PRIMPOL: variants seen among roughly 807,000 people sequenced by gnomAD.
PRIMPOL encodes the protein primase and DNA directed polymerase.
PRIMPOL carries 54 observed loss-of-function variants against 63.6 expected under a neutral mutation model. The ratio of observed to expected loss-of-function variants is 0.85; its 90% CI spans 0.68 to 1.07. The LOEUF (loss-of-function observed/expected upper bound fraction) is 1.07, where lower values mean the gene tolerates loss of function less well. Ranked by LOEUF, PRIMPOL falls within the 50% of genes least tolerant of loss-of-function variation. The pLI is 0.00. For missense variants in PRIMPOL, 610 were observed against 648.3 expected (o/e 0.94, Z 0.64); for synonymous variants, 197 against 220.2 (o/e 0.89, Z 0.93).
chr4:184,693,864 G>T (rs1378057089), intron 13 of PRIMPOL, among the ~76,000 whole-genome samples: 5 of 152,076 alleles, frequency 3.3e-5, no homozygotes, highest in Non-Finnish European at 5.9e-5. Flanking sequence ...TGACAGGGGG[G>T]TATCATGTTG....
intron 8 of PRIMPOL, among the ~76,000 whole-genome samples, chr4:184,680,724 C>G (rs967071609): frequency 6.6e-6 from 1 of 152,036 alleles, no homozygotes; most frequent in East Asian, 1.9e-4. Flanking sequence ...ATACTAACAC[C>G]TATCTTACGG....
chr4:184,692,471 CAAAAAAAA>C (rs60321808), intron 13 of PRIMPOL, among the ~76,000 whole-genome samples: 2 of 73,806 alleles, frequency 2.7e-5, no homozygotes, highest in African/African-American at 4.1e-5. Context: ...GACTCTGCCT[CAAAAAAAA>C]AAAAAAAAAA....
intron 13 of PRIMPOL, among the ~76,000 whole-genome samples, chr4:184,692,300 C>T (rs1758808865): frequency 6.6e-6 from 1 of 151,368 alleles, no homozygotes; most frequent in Non-Finnish European, 1.5e-5. Context: ...ATGGAGAAAC[C>T]CCATCTCTAC....
At chr4:184,689,445 GCTTTT>G (rs1430392940) in intron 11 of PRIMPOL, among the ~76,000 whole-genome samples, 1 of 114,620 alleles carries the variant, frequency 8.7e-6, no homozygotes, top group Non-Finnish European at 1.7e-5. Flanking sequence ...TGTTAATGGT[GCTTTT>G]TTTTTTTTTT....
At chr4:184,651,326 G>T (rs1456293279) in intron 1 of PRIMPOL, among the ~76,000 whole-genome samples, 1 of 152,026 alleles carries the variant, frequency 6.6e-6, no homozygotes, top group Non-Finnish European at 1.5e-5. Context: ...GTAGTTTGCT[G>T]TTGCTAAAAA....
chr4:184,649,905 A>G lies in PRIMPOL; in HGVS notation c.-141A>G, dbSNP rs1016034192. On this transcript the variant is annotated 5_prime_UTR_variant, in exon 1 of 14. Coordinates refer to ENST00000314970, the MANE Select transcript of PRIMPOL (RefSeq NM_152683.4). ...AGAAGAGGAGCAGGCCGGGACGCCC[A>G]CCGGTAATTTCTGTCTCCTCTGCGA... The G allele has an allele frequency of 1.3e-5, 2 of 152,256 alleles. No homozygotes were observed. Among genetic ancestry groups the G allele is most frequent in the Admixed American group, 1.3e-4 (2 of 15,288 alleles). The allele number at this position is 152,256 out of a possible 1,614,324, so 9.4% of individuals were successfully genotyped here. A position where few individuals can be genotyped will look rare whatever the true frequency, so the allele number is the denominator to read the frequency against.
At chr4:184,661,117 AT>A (rs952813608) in intron 4 of PRIMPOL, among the ~76,000 whole-genome samples, 1 of 152,040 alleles carries the variant, frequency 6.6e-6, no homozygotes, top group Non-Finnish European at 1.5e-5. Context: ...TGAAAAGAAC[AT>A]TTTTTTTCAA....
At chr4:184,655,838 A>G (rs750211029) in intron 2 of PRIMPOL, among the ~76,000 whole-genome samples, 8 of 152,234 alleles carry the variant, frequency 5.3e-5, no homozygotes, top group Non-Finnish European at 1.0e-4. Flanking sequence ...TGTTTTCCAC[A>G]TAGGTAAATT....
chr4:184,687,225 C>T (rs941368741), intron 11 of PRIMPOL, among the ~76,000 whole-genome samples: 5 of 152,096 alleles, frequency 3.3e-5, no homozygotes, highest in African/African-American at 4.8e-5. Flanking sequence ...TGTGTACTAC[C>T]ATGCCCGGTT....
rs761113831 is a variant in PRIMPOL at position 184,694,786 on chromosome 4, C to A, written c.*7C>A. ...AGAAGTATTACAAGAGTAACTAATT[C>A]ACTATGAACACTTTTGTCACCAGGC... On this transcript the variant is annotated 3_prime_UTR_variant, in exon 14 of 14. Transcript: ENST00000314970. 2.5e-6 allele frequency: 4 copies of A among 1,595,656 alleles called. No homozygotes were observed. The African/African-American group carries it at 5.4e-5, about 21-fold the overall frequency.
intron 13 of PRIMPOL, among the ~76,000 whole-genome samples, chr4:184,693,713 A>T (rs759380120): frequency 8.5e-5 from 13 of 152,228 alleles, no homozygotes; most frequent in Non-Finnish European, 1.2e-4. Context: ...ATTTGTTAAC[A>T]CTTGGCCACA....
intron 4 of PRIMPOL, among the ~76,000 whole-genome samples, chr4:184,660,406 C>T (rs1350530047): frequency 1.3e-5 from 2 of 152,004 alleles, no homozygotes; most frequent in Non-Finnish European, 2.9e-5. Flanking sequence ...CTCTCGAGCT[C>T]CTGACCTCAG....
At chr4:184,660,145 A>G (rs1347547297) in intron 4 of PRIMPOL, among the ~76,000 whole-genome samples, 1 of 149,994 alleles carries the variant, frequency 6.7e-6, no homozygotes, top group East Asian at 1.9e-4. Flanking sequence ...TGACTGAGTG[A>G]TCTATTCAAG....
intron 7 of PRIMPOL, among the ~76,000 whole-genome samples, chr4:184,675,904 T>G (rs1561021646): frequency 6.6e-6 from 1 of 152,070 alleles, no homozygotes. Flanking sequence ...TAAACTGTAG[T>G]GTGTGTTTGT....
intron 6 of PRIMPOL, among the ~76,000 whole-genome samples, chr4:184,671,288 G>A (rs1267455852): frequency 6.6e-6 from 1 of 152,182 alleles, no homozygotes; most frequent in East Asian, 1.9e-4. Context: ...GCTGACGGCT[G>A]TGAGAGCCAG....
chr4:184,661,726 A>G (rs1748371625), intron 4 of PRIMPOL, 48 bp from the exon 5 acceptor site: 1 of 1,274,050 alleles, frequency 7.8e-7, no homozygotes, highest in Non-Finnish European at 1.1e-6. Flanking sequence ...CAATCAATCA[A>G]TAAAGGTATA....
chr4:184,684,434 C>T lies in PRIMPOL; in HGVS notation c.1097-975C>T, dbSNP rs544314234. Among the ~76,000 whole-genome samples, 8 of 117,130 alleles carry T rather than the reference C, an allele frequency of 6.8e-5. 1 individual carries two copies. The South Asian group carries it at 2.0e-3, about 29-fold the overall frequency. The allele number at this position is 117,130 out of a possible 152,430, so 76.8% of individuals were successfully genotyped here. A position where few individuals can be genotyped will look rare whatever the true frequency, so the allele number is the denominator to read the frequency against. ...TCGCGCCACTGCACTCCAGCCTGGG[C>T]AACAGAGCAAGACTCTGTCTCAAGA... On this transcript the variant is annotated intron_variant, in intron 9 of 13. Transcript: ENST00000314970.
At chr4:184,664,725 T>A (rs1311284449) in intron 5 of PRIMPOL, among the ~76,000 whole-genome samples, 1 of 152,214 alleles carries the variant, frequency 6.6e-6, no homozygotes, top group Non-Finnish European at 1.5e-5. Context: ...TTGTTCTGGA[T>A]GGCCTCCAAT....
intron 11 of PRIMPOL, among the ~76,000 whole-genome samples, chr4:184,686,888 G>A (rs1018367884): frequency 6.6e-6 from 1 of 152,188 alleles, no homozygotes; most frequent in African/African-American, 2.4e-5. Flanking sequence ...AGGAGATACA[G>A]TGCCACAGCC....
Sources: gnomAD v4.1 joint callset for allele counts (sites outside exome capture counted in the v4.1 genomes callset) on GRCh38, gnomAD v4.1.1 for gene constraint, MANE v1.5 for transcripts, NCBI Gene and HGNC (gene_info 2026-07-23, HGNC 2026-07-21) for gene names.